Variants in KCTD8 observed in about 807,000 individuals in gnomAD.
The protein encoded by KCTD8 is potassium channel tetramerization domain containing 8.
Under a neutral mutation model 31.5 loss-of-function variants are expected in KCTD8, and 27 were observed. The observed-to-expected ratio is 0.86, with a 90% CI of 0.63 to 1.18. The LOEUF (loss-of-function observed/expected upper bound fraction) is 1.18. KCTD8 is among the 50% of genes most tolerant of loss of function. The pLI is 0.00. For missense variants in KCTD8, 658 were observed against 647.7 expected (o/e 1.02, Z -0.17); for synonymous variants, 290 against 280.0 (o/e 1.04, Z -0.36).
At chr4:44,306,936 G>A (rs771535892) in intron 1 of KCTD8, among the ~76,000 whole-genome samples, 9 of 151,962 alleles carry the variant, frequency 5.9e-5, no homozygotes, top group Non-Finnish European at 8.8e-5. Context: ...ATGACAGGGA[G>A]TCTGAAAAAT....
intron 1 of KCTD8, among the ~76,000 whole-genome samples, chr4:44,290,037 C>T (rs760049010): frequency 6.6e-6 from 1 of 152,072 alleles, no homozygotes; most frequent in African/African-American, 2.4e-5. Flanking sequence ...GATCAGAAGA[C>T]AAGACCCAAT....
At chr4:44,248,586 G>A (rs1715735391) in intron 1 of KCTD8, among the ~76,000 whole-genome samples, 1 of 151,930 alleles carries the variant, frequency 6.6e-6, no homozygotes, top group Non-Finnish European at 1.5e-5. Context: ...TAATAACTGT[G>A]CCTGTGGTTG....
chr4:44,391,317 C>T (rs546773983), intron 1 of KCTD8, among the ~76,000 whole-genome samples: 1 of 151,826 alleles, frequency 6.6e-6, no homozygotes, highest in Non-Finnish European at 1.5e-5. Context: ...CCCCAAAAAC[C>T]TATTGAAATT....
chr4:44,265,389 C>T (rs1716314845), intron 1 of KCTD8, among the ~76,000 whole-genome samples: 1 of 152,186 alleles, frequency 6.6e-6, no homozygotes, highest in Non-Finnish European at 1.5e-5. Context: ...AAAAACCCAT[C>T]TGTACATCAC....
intron 1 of KCTD8, among the ~76,000 whole-genome samples, chr4:44,336,876 TAAAAC>T (rs1718762589): frequency 6.6e-6 from 1 of 152,078 alleles, no homozygotes; most frequent in East Asian, 1.9e-4. Context: ...GTATATCAAA[TAAAAC>T]AATAAAATGA....
rs1483995450 is a variant in KCTD8 at position 44,174,964 on chromosome 4, G to A, written c.1248C>T (p.Leu416=). The part of the protein sequence containing the change: ...KRRNSELFQT[L]ISKSRETNLS... ...GATTTGTTTCCCGGGACTTGCTGAT[G>A]AGGGTCTGAAAGAGTTCACTGTTTC... is the stretch of plus-strand genomic sequence containing the variant. Residue 416 remains leucine (L), a synonymous_variant, in exon 2 of 2, where the codon CTC becomes CTT. Coordinates refer to ENST00000360029, the MANE Select transcript of KCTD8 (RefSeq NM_198353.3). 1.2e-6 allele frequency: 2 copies of A among 1,614,038 alleles called. No individual in the cohort carries two copies. The highest frequency in any genetic ancestry group is 2.7e-5 in the African/African-American group (2 of 74,914).
chr4:44,374,318 C>A (rs1330364103), intron 1 of KCTD8, among the ~76,000 whole-genome samples: 1 of 152,106 alleles, frequency 6.6e-6, no homozygotes, highest in Non-Finnish European at 1.5e-5. Context: ...AGTTTGCTTG[C>A]CATTCTCTCG....
chr4:44,390,462 T>C (rs1205560716), intron 1 of KCTD8, among the ~76,000 whole-genome samples: 1 of 152,038 alleles, frequency 6.6e-6, no homozygotes, highest in Non-Finnish European at 1.5e-5. Flanking sequence ...TTTCACCTTA[T>C]TTCTAAGTTC....
chr4:44,395,527 A>G (rs1397384390), intron 1 of KCTD8, among the ~76,000 whole-genome samples: 1 of 152,060 alleles, frequency 6.6e-6, no homozygotes, highest in Non-Finnish European at 1.5e-5. Flanking sequence ...CGGCATAAAA[A>G]TGGATGGCAC....
At chr4:44,378,257 A>ATATC (rs1553904493) in intron 1 of KCTD8, among the ~76,000 whole-genome samples, 1 of 144,312 alleles carries the variant, frequency 6.9e-6, no homozygotes, top group African/African-American at 2.6e-5. Flanking sequence ...ATATATATAT[A>ATATC]TCTCCATGTA....
intron 1 of KCTD8, among the ~76,000 whole-genome samples, chr4:44,334,143 A>G (rs1053195057): frequency 9.9e-5 from 15 of 152,102 alleles, no homozygotes; most frequent in Admixed American, 2.0e-4. Context: ...AGATACCATA[A>G]ATTTTTTATT....
At chr4:44,413,718 C>T (rs57207482) in intron 1 of KCTD8, among the ~76,000 whole-genome samples, 1 of 151,824 alleles carries the variant, frequency 6.6e-6, no homozygotes, top group South Asian at 2.1e-4. Flanking sequence ...TAATGCCCCC[C>T]CAAAAGATGT....
chr4:44,287,558 T>A (rs1394242856), intron 1 of KCTD8, among the ~76,000 whole-genome samples: 1 of 152,214 alleles, frequency 6.6e-6, no homozygotes, highest in African/African-American at 2.4e-5. Flanking sequence ...TTTTTAAACC[T>A]ATCTAATAAT....
At chr4:44,427,458 G>A (rs777901351) in intron 1 of KCTD8, among the ~76,000 whole-genome samples, 2 of 151,022 alleles carry the variant, frequency 1.3e-5, no homozygotes, top group African/African-American at 4.9e-5. Context: ...ATAACACAAT[G>A]GTCTAAAATA....
chr4:44,389,916 G>C (rs879671093), intron 1 of KCTD8, among the ~76,000 whole-genome samples: 1 of 151,590 alleles, frequency 6.6e-6, no homozygotes, highest in Non-Finnish European at 1.5e-5. Flanking sequence ...CATGTTTGTT[G>C]GTCATGTGTG....
intron 1 of KCTD8, among the ~76,000 whole-genome samples, chr4:44,311,305 C>T (rs73247504): frequency 8.2e-4 from 125 of 152,184 alleles, no homozygotes; most frequent in Non-Finnish European, 1.5e-3. Context: ...CTATCTTCCA[C>T]GGTGTTGCCT....
At chr4:44,444,081 G>T (rs1560456379) in intron 1 of KCTD8, among the ~76,000 whole-genome samples, 2 of 152,082 alleles carry the variant, frequency 1.3e-5, no homozygotes, top group Non-Finnish European at 2.9e-5. Flanking sequence ...ACTGAGAACA[G>T]ATATAAGGGT....
intron 1 of KCTD8, among the ~76,000 whole-genome samples, chr4:44,234,280 T>C (rs1715207803): frequency 6.6e-6 from 1 of 152,026 alleles, no homozygotes; most frequent in African/African-American, 2.4e-5. Flanking sequence ...GTGTGATTAG[T>C]GTTTGGTTAT....
chr4:44,315,916 A>G (rs563586818), intron 1 of KCTD8, among the ~76,000 whole-genome samples: 2 of 152,228 alleles, frequency 1.3e-5, no homozygotes, highest in African/African-American at 2.4e-5. Flanking sequence ...TAATCTTGAT[A>G]TTATGAAATT....
Sources: gnomAD v4.1 joint callset for allele counts (sites outside exome capture counted in the v4.1 genomes callset) on GRCh38, gnomAD v4.1.1 for gene constraint, MANE v1.5 for transcripts, NCBI Gene and HGNC (gene_info 2026-07-23, HGNC 2026-07-21) for gene names.